DIAPH3: variants seen among roughly 807,000 people sequenced by gnomAD.
The protein encoded by DIAPH3 is protein diaphanous homolog 3.
DIAPH3 carries 117 observed loss-of-function variants against 144.3 expected under a neutral mutation model. That is an observed-to-expected ratio of 0.81 (90% CI 0.70 to 0.95). The LOEUF (loss-of-function observed/expected upper bound fraction) is 0.95. DIAPH3 is among the 40% of genes least tolerant of loss of function. The probability of loss-of-function intolerance (pLI) is 0.00; values close to 1 mark genes in which losing one functional copy is unlikely to be tolerated. For missense variants in DIAPH3, 1,421 were observed against 1,412.7 expected (o/e 1.01, Z -0.09); for synonymous variants, 519 against 488.9 (o/e 1.06, Z -0.81).
chr13:59,899,972 G>C (rs903773237), intron 20 of DIAPH3, among the ~76,000 whole-genome samples: 7 of 152,178 alleles, frequency 4.6e-5, no homozygotes, highest in Admixed American at 4.6e-4. Flanking sequence ...GAATTGCAGA[G>C]TTATTTAATA....
chr13:60,148,619 T>C (rs17057714), intron 1 of DIAPH3, among the ~76,000 whole-genome samples: 8,793 of 152,172 alleles, frequency 0.058, 836 homozygotes, highest in African/African-American at 0.2. Context: ...TTTTAAAGGA[T>C]AGGGAAAGGA....
chr13:59,867,598 C>G (rs565800473), intron 21 of DIAPH3, among the ~76,000 whole-genome samples: 4 of 152,204 alleles, frequency 2.6e-5, no homozygotes, highest in Admixed American at 2.0e-4. Context: ...CATATCCCCA[C>G]ACACTTTCTC....
chr13:59,994,138 A>T (rs948373456), intron 9 of DIAPH3, among the ~76,000 whole-genome samples: 4 of 151,978 alleles, frequency 2.6e-5, no homozygotes, highest in Non-Finnish European at 5.9e-5. Flanking sequence ...AGAAGAAAAA[A>T]AATAGGAAAT....
Position 59,774,751 on chromosome 13 carries a change from C to A in DIAPH3, c.3236G>T (p.Arg1079Ile), listed in dbSNP as rs2038305487. Residue 1079 changes from arginine (R) to isoleucine (I), a missense_variant, in exon 26 of 28, where the codon AGA (arginine) becomes ATA (isoleucine). Physicochemically the swap from Arg to Ile is moderately conservative, Grantham distance 97. Coordinates refer to ENST00000400324, the MANE Select transcript of DIAPH3 (RefSeq NM_001042517.2). ...LQSGAAFRDRRKRTPMPKDVR... is the reference protein window; with the variant it reads ...LQSGAAFRDRIKRTPMPKDVR... ...ACCTTTTGGCATCGGTGTCCTTTTT[C>A]TTCTGTCGCGGAAGGCAGCCCCGGA... 3.7e-6 allele frequency: 6 copies of A among 1,614,158 alleles called. No homozygotes were observed. Among genetic ancestry groups the A allele is most frequent in the Non-Finnish European group, 5.1e-6 (6 of 1,180,014 alleles).
chr13:60,111,673 G>A (rs568236421), intron 3 of DIAPH3, among the ~76,000 whole-genome samples: 2 of 152,228 alleles, frequency 1.3e-5, no homozygotes, highest in South Asian at 2.1e-4. Context: ...CCCCCCAAAC[G>A]CTCATGGAAA....
At chr13:59,826,899 T>G (rs1364512855) in intron 24 of DIAPH3, among the ~76,000 whole-genome samples, 1 of 151,878 alleles carries the variant, frequency 6.6e-6, no homozygotes. Flanking sequence ...CTATCTGATC[T>G]TTGACAAACC....
chr13:60,122,266 C>G (rs1428290612), intron 2 of DIAPH3, among the ~76,000 whole-genome samples: 82 of 152,180 alleles, frequency 5.4e-4, no homozygotes, highest in Non-Finnish European at 5.9e-5. Context: ...AACCTACCCA[C>G]ACCTCATACC....
chr13:59,917,013 C>T (rs952066451), intron 18 of DIAPH3, among the ~76,000 whole-genome samples: 8 of 152,140 alleles, frequency 5.3e-5, no homozygotes, highest in African/African-American at 1.9e-4. Flanking sequence ...TAGTTCAACC[C>T]TTATTGTACT....
intron 4 of DIAPH3, among the ~76,000 whole-genome samples, chr13:60,066,159 G>C (rs569655131): frequency 6.6e-6 from 1 of 152,016 alleles, no homozygotes; most frequent in South Asian, 2.1e-4. Context: ...GTTTATCCTT[G>C]AAATACTACC....
intron 25 of DIAPH3, among the ~76,000 whole-genome samples, chr13:59,776,070 C>T (rs1235279986): frequency 3.3e-5 from 5 of 152,140 alleles, no homozygotes; most frequent in Admixed American, 1.3e-4. Flanking sequence ...TGGTATACTG[C>T]TACATTTAAA....
chr13:59,819,849 T>C (rs567618465), intron 24 of DIAPH3, among the ~76,000 whole-genome samples: 1 of 152,026 alleles, frequency 6.6e-6, no homozygotes, highest in African/African-American at 2.4e-5. Flanking sequence ...TCATATTGTT[T>C]GGTTTAAATA....
Position 59,879,206 on chromosome 13 carries a change from T to C in DIAPH3, c.2607+23A>G, listed in dbSNP as rs2044834750. On this transcript the variant is annotated intron_variant, in intron 21 of 27. Coordinates refer to ENST00000400324, the MANE Select transcript of DIAPH3 (RefSeq NM_001042517.2). ...AAGAGCAAGTGTTCAGGCAAATATGTGTTTTTAAAAAAACAAACTCACTTT... is the reference window on the plus strand; with the variant it reads ...AAGAGCAAGTGTTCAGGCAAATATGCGTTTTTAAAAAAACAAACTCACTTT... 8.7e-6 allele frequency: 14 copies of C among 1,613,510 alleles called. No homozygotes were observed. The East Asian group carries it at 3.1e-4, about 36-fold the overall frequency.
At chr13:60,036,330 CT>C (rs771782362) in intron 5 of DIAPH3, among the ~76,000 whole-genome samples, 11 of 152,242 alleles carry the variant, frequency 7.2e-5, no homozygotes, top group Non-Finnish European at 1.3e-4. Context: ...AATAGAATTG[CT>C]TACAATGACA....
chr13:59,930,842 G>A (rs2047985570), intron 17 of DIAPH3, among the ~76,000 whole-genome samples: 2 of 152,146 alleles, frequency 1.3e-5, no homozygotes, highest in African/African-American at 4.8e-5. Flanking sequence ...GAAAGTCAAT[G>A]GTACCTTCAC....
intron 17 of DIAPH3, among the ~76,000 whole-genome samples, chr13:59,969,489 C>G (rs1162694855): frequency 6.6e-6 from 1 of 152,106 alleles, no homozygotes; most frequent in Admixed American, 6.6e-5. Flanking sequence ...CACCCATCAA[C>G]CCGTCATCTA....
intron 21 of DIAPH3, among the ~76,000 whole-genome samples, chr13:59,875,432 A>C (rs1435410352): frequency 1.3e-5 from 2 of 151,810 alleles, no homozygotes; most frequent in Non-Finnish European, 2.9e-5. Context: ...TTTTTTTCAC[A>C]TCATAAGGGT....
At chr13:60,012,965 T>A (rs1292072003) in intron 7 of DIAPH3, 1 of 974,198 alleles carries the variant, frequency 1.0e-6, no homozygotes, top group East Asian at 1.1e-4. Flanking sequence ...AATTGCTACT[T>A]GTATAAATTA....
At chr13:59,729,255 C>T (rs979671112) in intron 27 of DIAPH3, among the ~76,000 whole-genome samples, 6 of 152,144 alleles carry the variant, frequency 3.9e-5, no homozygotes, top group Non-Finnish European at 5.9e-5. Flanking sequence ...ATCAGTCAGG[C>T]AATTACTTAT....
chr13:59,792,055 T>G (rs2039356045), intron 25 of DIAPH3, among the ~76,000 whole-genome samples: 1 of 152,176 alleles, frequency 6.6e-6, no homozygotes, highest in South Asian at 2.1e-4. Flanking sequence ...ATCTCTCTAC[T>G]ACCTCAATTT....
Sources: allele counts gnomAD v4.1 joint callset (sites outside exome capture counted in the v4.1 genomes callset), GRCh38; gene constraint gnomAD v4.1.1; transcripts MANE v1.5; gene names NCBI Gene and HGNC (gene_info 2026-07-23, HGNC 2026-07-21).